The following MIPOL1 variants were observed in gnomAD, a reference collection of about 807,000 sequenced individuals.
The protein encoded by MIPOL1 is mirror-image polydactyly gene 1 protein.
A neutral mutation model predicts 60.9 loss-of-function variants in MIPOL1; 57 were observed. The ratio of observed to expected loss-of-function variants is 0.94; its 90% CI spans 0.76 to 1.17. MIPOL1 has a LOEUF of 1.17. Among genes scored for constraint, MIPOL1 ranks in the 50% most tolerant of loss-of-function variants. The probability of loss-of-function intolerance (pLI) is 0.00; values close to 1 mark genes in which losing one functional copy is unlikely to be tolerated. For missense variants in MIPOL1, 551 were observed against 511.6 expected (o/e 1.08, Z -0.74); for synonymous variants, 179 against 168.8 (o/e 1.06, Z -0.47).
At position 37,267,068 on chromosome 14, in the gene MIPOL1, A is replaced by G. The variant is rs1398975010; in HGVS notation, c.150A>G (p.Thr50=). Residue 50 remains threonine (T), a synonymous_variant, in exon 4 of 13, where the codon ACA becomes ACG. Transcript: ENST00000684589. ...CCACTGAATTAGTTAATGAAATAAC[A>G]TGTGAGAACACAGAATGGCCAGGGC... ...RKSTELVNEI[T]CENTEWPGQR... is the part of the protein sequence containing the mutation. The G allele has an allele frequency of 1.2e-6, 2 of 1,613,906 alleles. No individual in the cohort carries two copies. The highest frequency in any genetic ancestry group is 1.7e-6 in the Non-Finnish European group (2 of 1,179,952).
At chr14:37,323,211 A>T (rs1319140254) in intron 9 of MIPOL1, among the ~76,000 whole-genome samples, 1 of 152,162 alleles carries the variant, frequency 6.6e-6, no homozygotes, top group Non-Finnish European at 1.5e-5. Context: ...CAGTTTTCCC[A>T]ACACCATTTA....
chr14:37,514,510 C>T (rs1313874609), intron 12 of MIPOL1, among the ~76,000 whole-genome samples: 3 of 152,102 alleles, frequency 2.0e-5, no homozygotes, highest in African/African-American at 4.8e-5. Flanking sequence ...TGTAACATAT[C>T]GTTTAACTTG....
chr14:37,528,872 G>C (rs2095463741), intron 12 of MIPOL1, among the ~76,000 whole-genome samples: 1 of 152,196 alleles, frequency 6.6e-6, no homozygotes, highest in South Asian at 2.1e-4. Context: ...CAGACTGAGA[G>C]AGAAGGTTTG....
At chr14:37,237,479 C>T (rs750492682) in intron 1 of MIPOL1, among the ~76,000 whole-genome samples, 1 of 152,124 alleles carries the variant, frequency 6.6e-6, no homozygotes, top group Non-Finnish European at 1.5e-5. Flanking sequence ...TTTTCTATAG[C>T]TCCAGCCAGC....
At chr14:37,492,684 T>G (rs1453949448) in intron 11 of MIPOL1, among the ~76,000 whole-genome samples, 1 of 152,086 alleles carries the variant, frequency 6.6e-6, no homozygotes. Flanking sequence ...TCACTCAGAG[T>G]GAATGACAAG....
intron 6 of MIPOL1, among the ~76,000 whole-genome samples, chr14:37,284,983 A>G (rs1490186562): frequency 6.6e-5 from 10 of 152,216 alleles, no homozygotes; most frequent in African/African-American, 4.8e-5. Flanking sequence ...TTCAACTTCA[A>G]TAAACATTGC....
At chr14:37,217,026 T>A (rs911625795) in intron 1 of MIPOL1, among the ~76,000 whole-genome samples, 13 of 151,998 alleles carry the variant, frequency 8.6e-5, no homozygotes, top group Non-Finnish European at 1.3e-4. Context: ...AAAACTTTAG[T>A]CAGACTAAGA....
rs1233504700 is a variant in MIPOL1, at chr14:37,268,685, G to A, written c.279G>A (p.Met93Ile). The change falls in exon 5 of 13, where the codon ATG becomes ATA. Residue 93 changes from methionine to isoleucine, a missense_variant. Met to Ile is a conservative substitution (Grantham distance 10). Transcript: ENST00000684589. ...YNVMEHRHND[M>I]HYECMTPCQV... ...TTATGGAACATAGACATAATGATAT[G>A]CATTATGAATGTATGACTCCTTGTC... The A allele has an allele frequency of 2.5e-6, 4 of 1,594,054 alleles. No homozygotes were observed. Among genetic ancestry groups the A allele is most frequent in the Non-Finnish European group, 3.4e-6 (4 of 1,167,006 alleles).
At chr14:37,507,256 T>C (rs2095285923) in intron 12 of MIPOL1, 1 of 152,190 alleles carries the variant, frequency 6.6e-6, no homozygotes, top group Non-Finnish European at 1.5e-5. Context: ...CATTACTGGA[T>C]ATATACCCAA....
At position 37,526,545 on chromosome 14, in the gene MIPOL1, AT is replaced by A. The variant is rs760730621; in HGVS notation, c.1263-20343del. 9.9e-3 allele frequency among the ~76,000 whole-genome samples: 1,157 copies of A among 116,586 alleles called. 3 individuals are homozygous for A. The highest frequency in any genetic ancestry group is 0.015 in the Middle Eastern group (3 of 200). 76.5% of individuals were successfully genotyped at this position (116,586 alleles called of 152,430 possible). On this transcript the variant is annotated intron_variant, in intron 12 of 12. Transcript: ENST00000684589. ...CCACCACACCTGGCTAATTTTTTGT[AT>A]TTTTTTTTTTTTTTTTAGTAGAGAC...
intron 10 of MIPOL1, among the ~76,000 whole-genome samples, chr14:37,388,681 G>A (rs906257527): frequency 7.2e-5 from 11 of 151,748 alleles, no homozygotes; most frequent in African/African-American, 2.7e-4. Context: ...CCACTCATCT[G>A]CTTTTTTGTC....
At chr14:37,287,581 G>A (rs1020459188) in intron 7 of MIPOL1, among the ~76,000 whole-genome samples, 2 of 152,100 alleles carry the variant, frequency 1.3e-5, no homozygotes, top group African/African-American at 2.4e-5. Context: ...AAAATATGTG[G>A]CTCATAGTGG....
intron 10 of MIPOL1, among the ~76,000 whole-genome samples, chr14:37,373,768 CTTT>C (rs1329692722): frequency 1.3e-5 from 2 of 152,136 alleles, no homozygotes; most frequent in Non-Finnish European, 2.9e-5. Context: ...GCCACATTTT[CTTT>C]ATCCAGTCTA....
At chr14:37,204,758 A>G (rs1416749733) in intron 1 of MIPOL1, among the ~76,000 whole-genome samples, 7 of 152,148 alleles carry the variant, frequency 4.6e-5, no homozygotes, top group Non-Finnish European at 8.8e-5. Context: ...CAGTAAATGG[A>G]CTAATACAGT....
chr14:37,278,890 T>G (rs1461509733), intron 6 of MIPOL1: 1 of 151,862 alleles, frequency 6.6e-6, no homozygotes, highest in African/African-American at 2.4e-5. Context: ...CTTCTTCATA[T>G]TTACTCTTGC....
At chr14:37,490,294 C>G (rs966901775) in intron 11 of MIPOL1, among the ~76,000 whole-genome samples, 1 of 152,140 alleles carries the variant, frequency 6.6e-6, no homozygotes, top group Non-Finnish European at 1.5e-5. Flanking sequence ...TGGTGAACCC[C>G]CCTCCCCATA....
At chr14:37,376,396 T>C (rs1008384412) in intron 10 of MIPOL1, among the ~76,000 whole-genome samples, 2 of 152,206 alleles carry the variant, frequency 1.3e-5, no homozygotes, top group Non-Finnish European at 2.9e-5. Flanking sequence ...GAATGTCATA[T>C]AGTTGGAATT....
At chr14:37,212,892 T>C (rs779164183) in intron 1 of MIPOL1, among the ~76,000 whole-genome samples, 3 of 152,080 alleles carry the variant, frequency 2.0e-5, no homozygotes, top group African/African-American at 4.8e-5. Flanking sequence ...TTCTGTGTGT[T>C]TGGGAGAAAG....
intron 9 of MIPOL1, among the ~76,000 whole-genome samples, chr14:37,341,899 T>G (rs1175788509): frequency 6.6e-6 from 1 of 152,258 alleles, no homozygotes; most frequent in African/African-American, 2.4e-5. Flanking sequence ...TACTTGACTT[T>G]AGAGGAGTTA....
Sources: gnomAD v4.1 joint callset for allele counts (sites outside exome capture counted in the v4.1 genomes callset) on GRCh38, gnomAD v4.1.1 for gene constraint, MANE v1.5 for transcripts, NCBI Gene and HGNC (gene_info 2026-07-23, HGNC 2026-07-21) for gene names.